The following NDUFA5 variants were observed in gnomAD, a reference collection of about 807,000 sequenced individuals.
NDUFA5 encodes NADH:ubiquinone oxidoreductase subunit A5, also known as NADH dehydrogenase [ubiquinone] 1 alpha subcomplex subunit 5.
In NDUFA5, 11 loss-of-function variants were observed where a neutral mutation model predicts 19.8. The observed-to-expected ratio is 0.56, with a 90% confidence interval of 0.35 to 0.92. NDUFA5 has a LOEUF of 0.92. NDUFA5 is among the 40% of genes least tolerant of loss of function. The pLI is 0.01. For missense variants in NDUFA5, 109 were observed against 134.2 expected (o/e 0.81, Z 0.93); for synonymous variants, 47 against 46.8 (o/e 1.00, Z -0.01).
chr7:123,587,730 G>A, the NDUFA5 span, among the ~76,000 whole-genome samples: 23 of 151,664 alleles, frequency 1.5e-4, no homozygotes, highest in South Asian at 2.5e-3. Flanking sequence ...AATTAGCTGA[G>A]AGTTTTTAAT....
chr7:123,554,375 T>A (rs1798460813), intron 2 of NDUFA5, among the ~76,000 whole-genome samples: 1 of 152,186 alleles, frequency 6.6e-6, no homozygotes, highest in Non-Finnish European at 1.5e-5. Context: ...GGCCAGCACT[T>A]GGTTAGAATA....
the NDUFA5 span, among the ~76,000 whole-genome samples, chr7:123,579,298 T>G: frequency 3.3e-5 from 5 of 152,240 alleles, no homozygotes; most frequent in South Asian, 1.0e-3. Context: ...TAAGTGTAAT[T>G]GGGAAAATTT....
At chr7:123,566,161 AAC>A in the NDUFA5 span, among the ~76,000 whole-genome samples, 1 of 152,226 alleles carries the variant, frequency 6.6e-6, no homozygotes, top group Non-Finnish European at 1.5e-5. Flanking sequence ...TGGACATAGA[AAC>A]ACACACTGTT....
the NDUFA5 span, among the ~76,000 whole-genome samples, chr7:123,585,405 C>G: frequency 6.6e-6 from 1 of 151,766 alleles, no homozygotes; most frequent in Non-Finnish European, 1.5e-5. Flanking sequence ...TGACACATTA[C>G]ATGTAGGAAT....
Position 123,537,809 on chromosome 7 carries a change from A to T in NDUFA5, c.*4310T>A, listed in dbSNP as rs1027728588. 3.4e-5 allele frequency: 5 copies of T among 148,928 alleles called. No homozygotes were observed. Among genetic ancestry groups the T allele is most frequent in the African/African-American group, 1.2e-4 (5 of 40,654 alleles). 9.2% of individuals were successfully genotyped at this position (148,928 alleles called of 1,614,324 possible). ...TTCACCCTCCAGTTATAGAGAGATT[A>T]AAATGCCAATATTTTGTAAAAAAAA... On this transcript the variant is annotated 3_prime_UTR_variant, in exon 5 of 5. Coordinates refer to ENST00000355749, the MANE Select transcript of NDUFA5 (RefSeq NM_005000.5).
At chr7:123,573,224 C>A in the NDUFA5 span, among the ~76,000 whole-genome samples, 2 of 150,226 alleles carry the variant, frequency 1.3e-5, no homozygotes, top group East Asian at 3.9e-4. Context: ...TAATATAATT[C>A]ACTTATTTTA....
chr7:123,570,692 G>A, the NDUFA5 span, among the ~76,000 whole-genome samples: 1 of 149,454 alleles, frequency 6.7e-6, no homozygotes, highest in African/African-American at 2.5e-5. Flanking sequence ...TATTAGTTCT[G>A]CAAGGAACCA....
chr7:123,547,351 C>T (rs1798170595), intron 3 of NDUFA5, among the ~76,000 whole-genome samples: 1 of 152,124 alleles, frequency 6.6e-6, no homozygotes, highest in South Asian at 2.1e-4. Context: ...CTTCACTGCA[C>T]TTACTATTTT....
chr7:123,590,849 G>A, the NDUFA5 span, among the ~76,000 whole-genome samples: 4 of 152,142 alleles, frequency 2.6e-5, no homozygotes. Context: ...GGCAGTGGTA[G>A]CTTGATGGGG....
the NDUFA5 span, among the ~76,000 whole-genome samples, chr7:123,570,172 C>A: frequency 4.0e-5 from 6 of 151,528 alleles, no homozygotes; most frequent in Non-Finnish European, 1.5e-5. Flanking sequence ...GTAGCTGGGA[C>A]CACAGGCGCC....
chr7:123,598,405 AG>A, the NDUFA5 span, among the ~76,000 whole-genome samples: 1 of 152,206 alleles, frequency 6.6e-6, no homozygotes, highest in Non-Finnish European at 1.5e-5. Context: ...ACTTAGACTA[AG>A]ATACATATTC....
At chr7:123,586,941 ATATCTT>A in the NDUFA5 span, among the ~76,000 whole-genome samples, 5 of 151,022 alleles carry the variant, frequency 3.3e-5, no homozygotes, top group African/African-American at 1.2e-4. Flanking sequence ...CTTGTTTACT[ATATCTT>A]TGTCTTTGTA....
chr7:123,566,076 T>G, the NDUFA5 span, among the ~76,000 whole-genome samples: 1 of 151,868 alleles, frequency 6.6e-6, no homozygotes, highest in Non-Finnish European at 1.5e-5. Flanking sequence ...ATTGCAGATG[T>G]AATCAAGTTA....
chr7:123,566,894 G>A, the NDUFA5 span: 1 of 152,112 alleles, frequency 6.6e-6, no homozygotes, highest in Non-Finnish European at 1.5e-5. Context: ...AAGCTTATGA[G>A]GTCATAGTCT....
the NDUFA5 span, among the ~76,000 whole-genome samples, chr7:123,596,590 T>C: frequency 6.6e-6 from 1 of 152,002 alleles, no homozygotes; most frequent in African/African-American, 2.4e-5. Context: ...CCAGGCTAAG[T>C]GACAGAGGGA....
chr7:123,544,568 G>A (rs1798059361), intron 4 of NDUFA5, among the ~76,000 whole-genome samples: 1 of 146,924 alleles, frequency 6.8e-6, no homozygotes, highest in Non-Finnish European at 1.5e-5. Flanking sequence ...AGAGGCAAAA[G>A]CAGGCTAGAA....
upstream of NDUFA5, among the ~76,000 whole-genome samples, chr7:123,560,377 C>A (rs752967801): frequency 3.9e-5 from 6 of 152,144 alleles, no homozygotes; most frequent in Non-Finnish European, 8.8e-5. Flanking sequence ...CCAGAAGAGA[C>A]AGGAAAAAGT....
At chr7:123,573,550 C>G in the NDUFA5 span, among the ~76,000 whole-genome samples, 1 of 152,094 alleles carries the variant, frequency 6.6e-6, no homozygotes, top group African/African-American at 2.4e-5. Flanking sequence ...TAAACCTCCT[C>G]CCTCTAGCCT....
At chr7:123,546,697 C>G in intron 3 of NDUFA5, 2 of 1,288,898 alleles carry the variant, frequency 1.6e-6, no homozygotes, top group Non-Finnish European at 2.0e-6. Flanking sequence ...GTTACTGCCT[C>G]AGGGTATCTT....
Sources: gnomAD v4.1 joint callset for allele counts (sites outside exome capture counted in the v4.1 genomes callset) on GRCh38, gnomAD v4.1.1 for gene constraint, MANE v1.5 for transcripts, NCBI Gene and HGNC (gene_info 2026-07-23, HGNC 2026-07-21) for gene names.